CEMIP: variants seen among roughly 807,000 people sequenced by gnomAD.
CEMIP encodes cell migration-inducing and hyaluronan-binding protein.
CEMIP carries 105 observed loss-of-function variants against 156.9 expected under a neutral mutation model. The ratio of observed to expected loss-of-function variants is 0.67; its 90% confidence interval spans 0.57 to 0.79. The LOEUF (loss-of-function observed/expected upper bound fraction) is 0.79. Ranked by LOEUF, CEMIP falls within the 30% of genes least tolerant of loss-of-function variation. The probability of loss-of-function intolerance (pLI) is 0.00; values close to 1 mark genes in which losing one functional copy is unlikely to be tolerated. For synonymous variants in CEMIP, 676 were observed against 668.4 expected, an observed-to-expected ratio of 1.01 and a Z score of -0.17; for missense variants, 1,457 against 1,769.4, an observed-to-expected ratio of 0.82 and a Z score of 3.17.
At chr15:80,926,282 G>A (rs529207801) in intron 19 of CEMIP, among the ~76,000 whole-genome samples, 1 of 152,314 alleles carries the variant, frequency 6.6e-6, no homozygotes, top group South Asian at 2.1e-4. Flanking sequence ...GAAAAAGGCA[G>A]GGAACGCTGA....
At chr15:80,861,275 G>T (rs1231310515) in intron 1 of CEMIP, among the ~76,000 whole-genome samples, 1 of 152,046 alleles carries the variant, frequency 6.6e-6, no homozygotes. Flanking sequence ...CCTGGCAGTG[G>T]TACCTTTTAA....
intron 1 of CEMIP, among the ~76,000 whole-genome samples, chr15:80,805,548 A>G (rs543363673): frequency 6.6e-6 from 1 of 152,318 alleles, no homozygotes; most frequent in East Asian, 1.9e-4. Flanking sequence ...TACCTGAGTA[A>G]GATACAGACT....
chr15:80,946,629 A>G (rs1263830440), intron 28 of CEMIP: 1 of 337,518 alleles, frequency 3.0e-6, no homozygotes, highest in Non-Finnish European at 5.8e-6. Flanking sequence ...TCGAAGTCCT[A>G]CTGTGTGCCG....
intron 1 of CEMIP, among the ~76,000 whole-genome samples, chr15:80,805,161 A>G (rs886821277): frequency 2.6e-5 from 4 of 152,176 alleles, no homozygotes; most frequent in Non-Finnish European, 4.4e-5. Context: ...AGCTTTGTGC[A>G]CTGATAAAAT....
At chr15:80,917,081 T>C (rs1472235295) in intron 14 of CEMIP, among the ~76,000 whole-genome samples, 1 of 152,222 alleles carries the variant, frequency 6.6e-6, no homozygotes, top group Non-Finnish European at 1.5e-5. Flanking sequence ...TAAGACAACA[T>C]GTAAAAACAT....
chr15:80,879,751 G>A lies in CEMIP; in HGVS notation c.277G>A (p.Val93Ile), dbSNP rs759478918. 7 of 1,614,220 alleles carry A rather than the reference G, an allele frequency of 4.3e-6. No individual in the cohort carries two copies. The highest frequency in any genetic ancestry group is 3.3e-5 in the South Asian group (3 of 91,088). ...CATTAAAGACCACGACGAGCCGATT[G>A]TTTTGCGAACCCGGCACATCCTGAT... ...LVIKDHDEPIVLRTRHILIDN... is the reference protein window; with the variant it reads ...LVIKDHDEPIILRTRHILIDN... The change falls in exon 5 of 30, where the codon GTT becomes ATT. Residue 93 changes from valine (V) to isoleucine (I), a missense_variant. Transcript: ENST00000394685.
chr15:80,918,738 G>T (rs1900364075), intron 14 of CEMIP, among the ~76,000 whole-genome samples: 1 of 152,156 alleles, frequency 6.6e-6, no homozygotes, highest in African/African-American at 2.4e-5. Context: ...CTATGGAACA[G>T]GCCACCTTGC....
At chr15:80,807,853 T>C (rs1896553072) in intron 1 of CEMIP, among the ~76,000 whole-genome samples, 1 of 152,234 alleles carries the variant, frequency 6.6e-6, no homozygotes, top group Non-Finnish European at 1.5e-5. Flanking sequence ...GTTGCTGAGA[T>C]TGTGTCCTGG....
intron 1 of CEMIP, among the ~76,000 whole-genome samples, chr15:80,872,517 A>T (rs2141805245): frequency 6.6e-6 from 1 of 151,590 alleles, no homozygotes; most frequent in Admixed American, 6.5e-5. Context: ...GCTTAAATAA[A>T]ATCGAAGTTT....
intron 12 of CEMIP, among the ~76,000 whole-genome samples, chr15:80,897,803 G>A (rs1436447556): frequency 6.6e-6 from 1 of 152,172 alleles, no homozygotes; most frequent in East Asian, 1.9e-4. Flanking sequence ...CAGAAGAGCA[G>A]AAGATACTAA....
At chr15:80,859,619 A>G (rs1897936522) in intron 1 of CEMIP, among the ~76,000 whole-genome samples, 2 of 152,246 alleles carry the variant, frequency 1.3e-5, no homozygotes, top group African/African-American at 4.8e-5. Flanking sequence ...CCCTGGGTCT[A>G]AACACAGATC....
rs1296442469 is a variant in CEMIP at position 80,788,207 on chromosome 15, A to G, written c.-176+8593A>G. Reference sequence around the variant, plus strand: ...TTTTTAAGGCCGGGTGAGGTGGCTCACACCTGTAATCCCAGCACTTTGAGA... The same window carrying G: ...TTTTTAAGGCCGGGTGAGGTGGCTCGCACCTGTAATCCCAGCACTTTGAGA... On this transcript the variant is annotated intron_variant, in intron 1 of 29. Transcript: ENST00000394685. Among the ~76,000 whole-genome samples, 7 of 152,150 alleles carry G rather than the reference A, an allele frequency of 4.6e-5. No homozygotes were observed. The East Asian group carries it at 1.3e-3, about 29-fold the overall frequency.
chr15:80,794,610 G>C (rs1896167829), intron 1 of CEMIP, among the ~76,000 whole-genome samples: 1 of 152,188 alleles, frequency 6.6e-6, no homozygotes, highest in Non-Finnish European at 1.5e-5. Flanking sequence ...TCAACAGGTA[G>C]TCACTATAAA....
intron 14 of CEMIP, among the ~76,000 whole-genome samples, chr15:80,913,453 T>C (rs1900143409): frequency 7.9e-6 from 1 of 126,674 alleles, no homozygotes; most frequent in South Asian, 2.7e-4. Context: ...TACTGTGGGC[T>C]TCAGTAGAAC....
intron 4 of CEMIP, 76 bp downstream of exon 4, chr15:80,878,943 T>C: frequency 6.5e-7 from 1 of 1,550,186 alleles, no homozygotes; most frequent in Non-Finnish European, 8.9e-7. Context: ...CAGGTTGCCA[T>C]GAGCTCAGAT....
At position 80,889,539 on chromosome 15, in the gene CEMIP, G is replaced by T; in HGVS notation, c.1033G>T (p.Asp345Tyr). ...SQTKGGEKIS[D>Y]LWKAHPGKIC... is the part of the protein sequence containing the mutation. ...GACTAAAGGTGGGGAGAAAATTTCA[G>T]ACCTCTGGAAAGCTCACCCAGGAAA... The change falls in exon 10 of 30, where the codon GAC (aspartate) becomes TAC (tyrosine). Residue 345 changes from aspartate (D) to tyrosine (Y), a missense_variant. Around this residue, in one of 5 missense-constraint regions of CEMIP, gnomAD observed 280 missense variants for 300.3 expected, o/e 0.93. Coordinates refer to ENST00000394685, the MANE Select transcript of CEMIP (RefSeq NM_001293298.2). 1 of 1,614,164 alleles carries T rather than the reference G, an allele frequency of 6.2e-7. No homozygotes were observed. Among genetic ancestry groups the T allele is most frequent in the Non-Finnish European group, 8.5e-7 (1 of 1,180,010 alleles).
At chr15:80,814,329 G>C (rs1348122403) in intron 1 of CEMIP, among the ~76,000 whole-genome samples, 1 of 152,116 alleles carries the variant, frequency 6.6e-6, no homozygotes, top group Admixed American at 6.5e-5. Flanking sequence ...GATTACAGGT[G>C]TGAGCCACTG....
rs1172716631 is a variant in CEMIP, at chr15:80,896,026, C to T, written c.1377C>T (p.Cys459=). ...CAGAAGAGTTCCAGGTGCTTCCCTG[C>T]AGATCCTGCGCCCCCAACCAGGTCA... ...YQAEEFQVLP[C]RSCAPNQVKV... is the part of the protein sequence containing the mutation. Residue 459 remains cysteine (C), a synonymous_variant, in exon 12 of 30, where the codon TGC becomes TGT. Coordinates refer to ENST00000394685, the MANE Select transcript of CEMIP (RefSeq NM_001293298.2). 2 of 1,614,048 alleles carry T rather than the reference C, an allele frequency of 1.2e-6. No individual in the cohort carries two copies. The highest frequency in any genetic ancestry group is 1.3e-5 in the African/African-American group (1 of 74,952).
intron 1 of CEMIP, among the ~76,000 whole-genome samples, chr15:80,861,324 G>T (rs1000402531): frequency 1.3e-5 from 2 of 152,054 alleles, no homozygotes; most frequent in Non-Finnish European, 2.9e-5. Flanking sequence ...CCTCCTGTCC[G>T]CCAGTGCCCC....
Sources: gnomAD v4.1 joint callset for allele counts (sites outside exome capture counted in the v4.1 genomes callset) on GRCh38, gnomAD v4.1.1 for gene constraint, gnomAD v4.1.1 regional missense constraint, MANE v1.5 for transcripts, NCBI Gene and HGNC (gene_info 2026-07-23, HGNC 2026-07-21) for gene names.